PIEZO2: variants seen among roughly 807,000 people sequenced by gnomAD.
The protein encoded by PIEZO2 is piezo type mechanosensitive ion channel component 2.
PIEZO2 carries 172 observed loss-of-function variants against 337.3 expected under a neutral mutation model. The observed-to-expected ratio is 0.51, with a 90% confidence interval of 0.45 to 0.58. PIEZO2 has a LOEUF of 0.58. Among genes scored for constraint, PIEZO2 ranks in the 20% least tolerant of loss-of-function variants. The pLI is 0.00. For synonymous variants in PIEZO2, 1,251 were observed against 1,228.5 expected (o/e 1.02, Z -0.38); for missense variants, 3,028 against 3,391.3 (o/e 0.89, Z 2.66).
At chr18:10,933,656 G>A (rs1333075426) in intron 3 of PIEZO2, among the ~76,000 whole-genome samples, 7 of 152,298 alleles carry the variant, frequency 4.6e-5, no homozygotes, top group South Asian at 4.1e-4. Context: ...CCAGGCAGAC[G>A]TGTCATGGAA....
At chr18:10,728,954 C>CAAAAAAAAAAAAA (rs143511795) in intron 36 of PIEZO2, among the ~76,000 whole-genome samples, 1 of 75,650 alleles carries the variant, frequency 1.3e-5, no homozygotes, top group Non-Finnish European at 2.7e-5. Flanking sequence ...GACTCTGTCT[C>CAAAAAAAAAAAAA]AAAAAAAAAA....
At chr18:10,904,573 GGTGGCA>G (rs1244278067) in intron 4 of PIEZO2, among the ~76,000 whole-genome samples, 1 of 152,200 alleles carries the variant, frequency 6.6e-6, no homozygotes, top group Non-Finnish European at 1.5e-5. Context: ...AGTAGGCAGA[GGTGGCA>G]TACTTCACAC....
At chr18:10,742,415 T>A in intron 32 of PIEZO2, 79 bp downstream of exon 32, 1 of 1,444,984 alleles carries the variant, frequency 6.9e-7, no homozygotes, top group East Asian at 2.5e-5. Flanking sequence ...TAAGAAGTAA[T>A]GTTATTTTAC....
At chr18:10,927,395 T>C (rs2031810813) in intron 3 of PIEZO2, among the ~76,000 whole-genome samples, 1 of 152,172 alleles carries the variant, frequency 6.6e-6, no homozygotes, top group African/African-American at 2.4e-5. Context: ...GGAGACAGGT[T>C]GCAGCGCAGG....
Position 11,097,352 on chromosome 18 carries a change from A to G in PIEZO2, c.65-31130T>C, listed in dbSNP as rs112011669. On this transcript the variant is annotated intron_variant, in intron 1 of 55. Transcript: ENST00000674853. This position sits in a 1 kb window ranked among gnomAD's most constrained non-coding sequence, Gnocchi z 5.0. The stretch of plus-strand genomic sequence containing the variant: ...TTTCTATGGCTGTTTCTGCAGTTCA[A>G]TGGCAAAGTCTCACGACTGCAACAG... Among the ~76,000 whole-genome samples the G allele has an allele frequency of 3.4e-3, 519 of 152,352 alleles. 5 individuals carry two copies. The highest frequency in any genetic ancestry group is 0.012 in the African/African-American group (493 of 41,584).
chr18:10,790,895 G>T (rs2039388838), intron 14 of PIEZO2, among the ~76,000 whole-genome samples: 1 of 152,002 alleles, frequency 6.6e-6, no homozygotes, highest in African/African-American at 2.4e-5. Flanking sequence ...TAGTAAAGGC[G>T]GGTTTTCACC....
chr18:11,142,455 G>A (rs980110531), intron 1 of PIEZO2, among the ~76,000 whole-genome samples: 4 of 152,176 alleles, frequency 2.6e-5, no homozygotes, highest in Admixed American at 6.5e-5. Context: ...TGAGGAATAT[G>A]ACAAACCTCG....
rs1315066605 is a variant in PIEZO2 at position 10,672,627 on chromosome 18, T to G, written c.8345+63A>C. ...TCTAAGAAGATAAAAGGCTTCCCAC[T>G]CTCAACTTTACATGATACAGAAGTA... On this transcript the variant is annotated intron_variant, in intron 55 of 55. Coordinates refer to ENST00000674853, the MANE Select transcript of PIEZO2 (RefSeq NM_001378183.1). This position sits in a 1 kb window ranked among gnomAD's most constrained non-coding sequence, Gnocchi z 4.7. The G allele has an allele frequency of 1.8e-5, 27 of 1,540,122 alleles. No individual in the cohort carries two copies. The South Asian group carries it at 3.0e-4, about 17-fold the overall frequency.
chr18:10,701,733 G>A, intron 43 of PIEZO2: 1 of 357,956 alleles, frequency 2.8e-6, no homozygotes, highest in Non-Finnish European at 4.9e-6. Context: ...TGGAAACATG[G>A]GGAAACATTC....
chr18:11,047,943 C>T lies in PIEZO2; in HGVS notation c.160+18184G>A, dbSNP rs1342508229. ...AGAGGAAAAACAGGCATCTTGAGGA[C>T]GTGAAATCCACATGCAATCCTGCAC... On this transcript the variant is annotated intron_variant, in intron 2 of 55. Transcript: ENST00000674853. This position sits in a 1 kb window ranked among gnomAD's most constrained non-coding sequence, Gnocchi z 7.2. Among the ~76,000 whole-genome samples, 11 of 152,174 alleles carry T rather than the reference C, an allele frequency of 7.2e-5. No homozygotes were observed. The highest frequency in any genetic ancestry group is 9.7e-5 in the African/African-American group (4 of 41,442).
chr18:10,863,290 T>C lies in PIEZO2; in HGVS notation c.493-6079A>G, dbSNP rs1395590953. Among the ~76,000 whole-genome samples the C allele has an allele frequency of 1.3e-5, 2 of 152,318 alleles. No individual in the cohort carries two copies. Among genetic ancestry groups the C allele is most frequent in the East Asian group, 3.9e-4 (2 of 5,178 alleles). The stretch of plus-strand genomic sequence containing the variant: ...AAGGAAGCAGTGAGGGAAAAAAAGA[T>C]AGATGTGTTTGAATGCTATTGTGTG... On this transcript the variant is annotated intron_variant, in intron 5 of 55. Coordinates refer to ENST00000674853, the MANE Select transcript of PIEZO2 (RefSeq NM_001378183.1). This position sits in a 1 kb window ranked among gnomAD's most constrained non-coding sequence, Gnocchi z 4.3.
rs2039111931 is a variant in PIEZO2, at chr18:10,783,700, T to G, written c.2492+1084A>C. 6.6e-6 allele frequency among the ~76,000 whole-genome samples: 1 copy of G among 152,198 alleles called. No individual in the cohort carries two copies. The highest frequency in any genetic ancestry group is 6.5e-5 in the Admixed American group (1 of 15,282). On this transcript the variant is annotated intron_variant, in intron 17 of 55. Coordinates refer to ENST00000674853, the MANE Select transcript of PIEZO2 (RefSeq NM_001378183.1). The surrounding 1 kb of genome is among the most constrained non-coding windows in gnomAD (Gnocchi z 4.3). ...AAACAAGTCATGACTGATTGATACCTCTTGGTTCCATGGGTTACGAGTCAT... is the reference window on the plus strand; with the variant it reads ...AAACAAGTCATGACTGATTGATACCGCTTGGTTCCATGGGTTACGAGTCAT...
At chr18:10,944,490 T>G (rs1348671026) in intron 3 of PIEZO2, among the ~76,000 whole-genome samples, 9 of 27,536 alleles carry the variant, frequency 3.3e-4, no homozygotes, top group African/African-American at 9.6e-4. Context: ...CTTAGTAACA[T>G]ATATATATAT....
chr18:10,721,212 T>G (rs897921390), intron 36 of PIEZO2, among the ~76,000 whole-genome samples: 1 of 152,212 alleles, frequency 6.6e-6, no homozygotes, highest in Non-Finnish European at 1.5e-5. Flanking sequence ...GGACCTTATT[T>G]GCTCCTCTGT....
Position 10,726,946 on chromosome 18 carries a change from T to C in PIEZO2, c.5029+4461A>G, listed in dbSNP as rs2036569187. 1 of 1,486,634 alleles carries C rather than the reference T, an allele frequency of 6.7e-7. No individual in the cohort carries two copies. Among genetic ancestry groups the C allele is most frequent in the East Asian group, 2.3e-5 (1 of 43,460 alleles). 92.1% of individuals were successfully genotyped at this position (1,486,634 alleles called of 1,614,324 possible). A position where few individuals can be genotyped will look rare whatever the true frequency, so the allele number is the denominator to read the frequency against. ...TCGCCTGCTGCCCGACTGATGTAGG[T>C]TGAGGGCTGCAGACAGAGGCCCTGG... is the stretch of plus-strand genomic sequence containing the variant. On this transcript the variant is annotated intron_variant, in intron 36 of 55. Coordinates refer to ENST00000674853, the MANE Select transcript of PIEZO2 (RefSeq NM_001378183.1). This position sits in a 1 kb window ranked among gnomAD's most constrained non-coding sequence, Gnocchi z 5.9.
At chr18:10,971,565 A>G (rs1202713075) in intron 3 of PIEZO2, among the ~76,000 whole-genome samples, 1 of 152,126 alleles carries the variant, frequency 6.6e-6, no homozygotes, top group Non-Finnish European at 1.5e-5. Context: ...CTCCTCAGCC[A>G]TGCAGTCCCG....
chr18:10,762,019 T>C (rs982326947), intron 23 of PIEZO2, among the ~76,000 whole-genome samples: 7 of 152,368 alleles, frequency 4.6e-5, no homozygotes, highest in South Asian at 2.1e-4. Context: ...TTAAAAACTA[T>C]AGATAAACAG....
In PIEZO2 at chr18:10,752,732, G is replaced by T. The variant is rs2037695741; in HGVS notation, c.4071C>A (p.Gly1357=). Residue 1357 remains glycine, a synonymous_variant, in exon 28 of 56, where the codon GGC becomes GGA. Coordinates refer to ENST00000674853, the MANE Select transcript of PIEZO2 (RefSeq NM_001378183.1). ...TCTTGATGGGTTTCAACAGCAAATC[G>T]CCCCCAAAGAGCAGGAAGTAGAAAC... is the stretch of plus-strand genomic sequence containing the variant. ...VACFYFLLFG[G]DLLLKPIKSI... 8 of 1,537,152 alleles carry T rather than the reference G, an allele frequency of 5.2e-6. 1 individual carries two copies. Among genetic ancestry groups the T allele is most frequent in the South Asian group, 4.8e-5 (4 of 84,050 alleles).
At chr18:10,809,198 G>A (rs9973183) in intron 7 of PIEZO2, among the ~76,000 whole-genome samples, 11,460 of 148,086 alleles carry the variant, frequency 0.077, 525 homozygotes, top group African/African-American at 0.12. Context: ...GTCTCCTACA[G>A]GAACGTTTTT....
Sources: allele counts gnomAD v4.1 joint callset (sites outside exome capture counted in the v4.1 genomes callset), GRCh38; gene constraint gnomAD v4.1.1; non-coding constraint Gnocchi (gnomAD v3.1); transcripts MANE v1.5; gene names NCBI Gene and HGNC (gene_info 2026-07-23, HGNC 2026-07-21).